The following FAM83A variants were observed in gnomAD, a reference collection of about 807,000 sequenced individuals.
The protein encoded by FAM83A is scaffolding CK1 anchoring protein A.
Under a neutral mutation model 24.4 loss-of-function variants are expected in FAM83A, and 21 were observed. The ratio of observed to expected loss-of-function variants is 0.86; its 90% CI spans 0.61 to 1.24. FAM83A has a LOEUF of 1.24. FAM83A is among the 50% of genes most tolerant of loss of function. The probability of loss-of-function intolerance (pLI) is 0.00; values close to 1 mark genes in which losing one functional copy is unlikely to be tolerated. For missense variants in FAM83A, 617 were observed against 579.8 expected (o/e 1.06, Z -0.66); for synonymous variants, 270 against 252.4 (o/e 1.07, Z -0.66).
rs758325895 is a variant in FAM83A at position 123,191,912 on chromosome 8, G to A, written c.590G>A (p.Gly197Asp). ...GTTTGTGTGCTCCTGGACCAGGGAG[G>A]TGTGAAGCTCTTCCAGGAGATGTGT... is the stretch of plus-strand genomic sequence containing the variant. The change falls in exon 2 of 4, where the codon GGT becomes GAT. Residue 197 changes from glycine (G) to aspartate (D), a missense_variant. Gly to Asp is a moderately conservative substitution (Grantham distance 94, BLOSUM62 -1). Transcript: ENST00000690554. The A allele has an allele frequency of 1.3e-5, 21 of 1,614,072 alleles. No individual in the cohort carries two copies. In the African/African-American group the frequency reaches 2.3e-4, roughly 17 times the overall value.
exon 4 of FAM83A, chr8:123,208,016 C>T (rs1184582920): frequency 3.4e-5 from 38 of 1,128,762 alleles, no homozygotes; most frequent in East Asian, 4.6e-5. Flanking sequence ...CCCAAAACTC[C>T]GTAAGAAGCA....
At chr8:123,185,002 G>A (rs1823743535) in intron 1 of FAM83A, among the ~76,000 whole-genome samples, 1 of 152,214 alleles carries the variant, frequency 6.6e-6, no homozygotes, top group Non-Finnish European at 1.5e-5. Flanking sequence ...GAGGGAGGGA[G>A]CAGAGTTCTG....
intron 3 of FAM83A, among the ~76,000 whole-genome samples, chr8:123,197,296 C>A (rs1824189440): frequency 1.3e-5 from 2 of 152,232 alleles, no homozygotes; most frequent in Non-Finnish European, 2.9e-5. Flanking sequence ...TTAGGAGGCA[C>A]ATTCACACAA....
chr8:123,207,225 T>A (rs1351801575), exon 4 of FAM83A: 8 of 1,612,198 alleles, frequency 5.0e-6, no homozygotes, highest in Non-Finnish European at 5.1e-6. Flanking sequence ...GCGGTGGAGC[T>A]GTTTGACGAG....
intron 1 of FAM83A, among the ~76,000 whole-genome samples, chr8:123,185,424 G>A (rs1823760928): frequency 6.6e-6 from 1 of 152,200 alleles, no homozygotes; most frequent in Non-Finnish European, 1.5e-5. Context: ...CCCTGGCTGA[G>A]TCCCTCTCCT....
chr8:123,182,765 G>A (rs540894291), exon 1 of FAM83A: 16 of 1,490,692 alleles, frequency 1.1e-5, no homozygotes, highest in Admixed American at 2.2e-5. Flanking sequence ...GGGTGCGGGA[G>A]CCCCACTCCT....
At chr8:123,206,675 A>G (rs1824560672) in intron 3 of FAM83A, among the ~76,000 whole-genome samples, 1 of 152,168 alleles carries the variant, frequency 6.6e-6, no homozygotes, top group Non-Finnish European at 1.5e-5. Flanking sequence ...TCGCTCTGGC[A>G]TCTTAATTAT....
chr8:123,186,815 G>A (rs554398445), intron 1 of FAM83A, among the ~76,000 whole-genome samples: 1 of 152,304 alleles, frequency 6.6e-6, no homozygotes, highest in Non-Finnish European at 1.5e-5. Context: ...GGGCAACAGA[G>A]CAAGATTACT....
At chr8:123,208,640 G>T in exon 4 of FAM83A, 1 of 985,506 alleles carries the variant, frequency 1.0e-6, no homozygotes, top group Non-Finnish European at 1.2e-6. Context: ...TGTTTCTGGG[G>T]TGGAACTAGG....
At chr8:123,197,113 C>T (rs1005944686) in intron 3 of FAM83A, among the ~76,000 whole-genome samples, 1 of 152,102 alleles carries the variant, frequency 6.6e-6, no homozygotes, top group African/African-American at 2.4e-5. Context: ...GTGGCTGGGG[C>T]AGGGGTGGCA....
exon 4 of FAM83A, chr8:123,207,426 G>A (rs377094342): frequency 1.2e-6 from 2 of 1,609,154 alleles, no homozygotes; most frequent in Non-Finnish European, 1.7e-6. Context: ...GGTACCCGAA[G>A]TGTGTCCGCG....
intron 3 of FAM83A, among the ~76,000 whole-genome samples, chr8:123,194,553 A>G (rs540232545): frequency 6.7e-6 from 1 of 149,746 alleles, no homozygotes; most frequent in East Asian, 2.0e-4. Context: ...GTGCAATCAC[A>G]GCTCATTGCA....
chr8:123,179,127 C>T (rs1414664586), upstream of FAM83A: 1 of 152,162 alleles, frequency 6.6e-6, no homozygotes, highest in African/African-American at 2.4e-5. Flanking sequence ...GTACCTTCAA[C>T]ATTCCTTCAG....
At chr8:123,208,938 T>C in exon 4 of FAM83A, 1 of 976,202 alleles carries the variant, frequency 1.0e-6, no homozygotes, top group Non-Finnish European at 1.2e-6. Flanking sequence ...CACTCCAGCA[T>C]GGGCAACAAA....
At chr8:123,199,159 A>G (rs547369120) in intron 3 of FAM83A, among the ~76,000 whole-genome samples, 1 of 152,346 alleles carries the variant, frequency 6.6e-6, no homozygotes, top group South Asian at 2.1e-4. Flanking sequence ...AAAATTAAGT[A>G]AAACAGCAAG....
intron 3 of FAM83A, among the ~76,000 whole-genome samples, chr8:123,200,431 C>T (rs931906239): frequency 6.6e-6 from 1 of 152,224 alleles, no homozygotes; most frequent in Non-Finnish European, 1.5e-5. Flanking sequence ...GAGTCCATCA[C>T]GCAGCTGGGG....
chr8:123,184,682 A>T (rs1169509509), intron 1 of FAM83A, among the ~76,000 whole-genome samples: 5 of 151,976 alleles, frequency 3.3e-5, no homozygotes, highest in Non-Finnish European at 7.4e-5. Context: ...GCACAAAATG[A>T]CTCCAGCACC....
rs966738502 is a variant in FAM83A, at chr8:123,208,988, G to C, written c.*1300G>C. Reference sequence around the variant, plus strand: ...CAGAAAAAAAAAAAAAAAAGAGAGAGAGCATAGAGGAGGGTTGGCCAGCCC... The same window carrying C: ...CAGAAAAAAAAAAAAAAAAGAGAGACAGCATAGAGGAGGGTTGGCCAGCCC... On this transcript the variant is annotated 3_prime_UTR_variant, in exon 4 of 4. Coordinates refer to ENST00000690554, the Ensembl canonical transcript of FAM83A. 4 of 986,108 alleles carry C rather than the reference G, an allele frequency of 4.1e-6. No individual in the cohort carries two copies. The African/African-American group carries it at 7.0e-5, about 17-fold the overall frequency. 61.1% of individuals were successfully genotyped at this position (986,108 alleles called of 1,614,324 possible).
intron 3 of FAM83A, 115 bp downstream of exon 3, chr8:123,194,263 C>A (rs1824072021): frequency 1.4e-6 from 2 of 1,443,014 alleles, no homozygotes; most frequent in East Asian, 2.3e-5. Context: ...CAGAAGGTCT[C>A]CCTCTGCCCG....
Sources: gnomAD v4.1 joint callset for allele counts (sites outside exome capture counted in the v4.1 genomes callset) on GRCh38, gnomAD v4.1.1 for gene constraint, MANE v1.5 for transcripts, NCBI Gene and HGNC (gene_info 2026-07-23, HGNC 2026-07-21) for gene names.